Variants in COL25A1 observed in about 807,000 individuals in gnomAD.
COL25A1 encodes the protein collagen type XXV alpha 1 chain, also known as collagen alpha-1(XXV) chain.
In COL25A1, 103 loss-of-function variants were observed where a neutral mutation model predicts 128.4. That is an observed-to-expected ratio of 0.80 (90% confidence interval 0.68 to 0.94). The LOEUF (loss-of-function observed/expected upper bound fraction) is 0.94. Among genes scored for constraint, COL25A1 ranks in the 40% least tolerant of loss-of-function variants. COL25A1 has a pLI of 0.00. For synonymous variants in COL25A1, 279 were observed against 277.2 expected, an observed-to-expected ratio of 1.01 and a Z score of -0.06; for missense variants, 745 against 840.0, an observed-to-expected ratio of 0.89 and a Z score of 1.40.
intron 35 of COL25A1, among the ~76,000 whole-genome samples, chr4:108,821,148 A>G (rs1243500657): frequency 6.6e-6 from 1 of 152,232 alleles, no homozygotes; most frequent in Non-Finnish European, 1.5e-5. Context: ...TGTGCATTCA[A>G]ATCAATACAT....
At chr4:109,072,826 T>C (rs1763083333) in intron 3 of COL25A1, among the ~76,000 whole-genome samples, 1 of 152,198 alleles carries the variant, frequency 6.6e-6, no homozygotes, top group Non-Finnish European at 1.5e-5. Context: ...CTTGCCCAGA[T>C]GTGTTAAATC....
intron 5 of COL25A1, chr4:109,021,654 G>T (rs963189556): frequency 2.3e-6 from 1 of 435,878 alleles, no homozygotes; most frequent in African/African-American, 2.0e-5. Context: ...GGCAAAAAGA[G>T]CCATATTTTT....
intron 3 of COL25A1, among the ~76,000 whole-genome samples, chr4:109,153,511 T>C (rs150078692): frequency 1.3e-5 from 2 of 152,268 alleles, no homozygotes; most frequent in African/African-American, 4.8e-5. Context: ...GAGGGCTCTA[T>C]TCCTTTTCAT....
rs185950567 is a variant in COL25A1 at position 109,150,363 on chromosome 4, C to G, written c.368-100184G>C. Among the ~76,000 whole-genome samples the G allele has an allele frequency of 1.2e-4, 18 of 152,166 alleles. No homozygotes were observed. The East Asian group carries it at 2.3e-3, about 20-fold the overall frequency. On this transcript the variant is annotated intron_variant, in intron 3 of 37. Transcript: ENST00000399132. ...TGTCTAGTTAATCAGGTAATGCCTC[C>G]TAAGGGTACTTCTGAGATGAGTGAA...
At chr4:109,301,696 C>T (rs773504240) in intron 2 of COL25A1, 27 bp downstream of exon 2, 2 of 1,599,198 alleles carry the variant, frequency 1.3e-6, no homozygotes, top group Non-Finnish European at 1.7e-6. Flanking sequence ...ATGTTACCCA[C>T]GTGCAAAATA....
chr4:109,047,631 T>C (rs905084084), intron 5 of COL25A1, among the ~76,000 whole-genome samples: 1 of 151,784 alleles, frequency 6.6e-6, no homozygotes, highest in Non-Finnish European at 1.5e-5. Context: ...AATAAAAAAA[T>C]TTAAAACAAA....
chr4:109,131,140 A>C (rs1046537145), intron 3 of COL25A1, among the ~76,000 whole-genome samples: 9 of 152,026 alleles, frequency 5.9e-5, no homozygotes, highest in African/African-American at 2.2e-4. Flanking sequence ...GAAGGTAAAA[A>C]TAATTTTAAA....
intron 5 of COL25A1, among the ~76,000 whole-genome samples, chr4:109,012,876 G>A (rs183009138): frequency 2.0e-5 from 3 of 152,346 alleles, no homozygotes; most frequent in East Asian, 3.9e-4. Flanking sequence ...CATGGAAATG[G>A]AGGGCAGCTC....
chr4:109,050,883 T>G (rs1760918226), intron 3 of COL25A1, among the ~76,000 whole-genome samples: 1 of 141,784 alleles, frequency 7.1e-6, no homozygotes, highest in South Asian at 2.2e-4. Flanking sequence ...AAAAAACTTG[T>G]TTTTTTTTTT....
chr4:109,191,744 T>C (rs370533116), intron 3 of COL25A1, among the ~76,000 whole-genome samples: 114 of 152,358 alleles, frequency 7.5e-4, no homozygotes, highest in South Asian at 4.8e-3. Flanking sequence ...TCACAAATTA[T>C]TGAATCTCTA....
At chr4:109,203,260 C>A (rs946936050) in intron 3 of COL25A1, among the ~76,000 whole-genome samples, 1 of 152,012 alleles carries the variant, frequency 6.6e-6, no homozygotes, top group Non-Finnish European at 1.5e-5. Flanking sequence ...GAAGACAAGA[C>A]GAGCCATGCC....
intron 3 of COL25A1, among the ~76,000 whole-genome samples, chr4:109,292,270 T>A (rs1166997612): frequency 6.6e-6 from 1 of 152,068 alleles, no homozygotes; most frequent in Non-Finnish European, 1.5e-5. Flanking sequence ...ATTTCATTTT[T>A]AAAAAAGGTT....
chr4:108,862,127 C>T (rs1737299350), intron 22 of COL25A1, among the ~76,000 whole-genome samples: 1 of 152,064 alleles, frequency 6.6e-6, no homozygotes, highest in African/African-American at 2.4e-5. Flanking sequence ...AGGGAGTCAA[C>T]TAAAAAGCAG....
At chr4:108,838,260 G>T in intron 31 of COL25A1, 1 of 941,110 alleles carries the variant, frequency 1.1e-6, no homozygotes, top group Non-Finnish European at 1.7e-6. Context: ...CTCTGAAATA[G>T]TTGCAGATTC....
At chr4:108,985,378 G>C (rs757680268) in intron 6 of COL25A1, among the ~76,000 whole-genome samples, 1 of 152,186 alleles carries the variant, frequency 6.6e-6, no homozygotes, top group Non-Finnish European at 1.5e-5. Flanking sequence ...AAGCAAAGCT[G>C]CCTTTGCCCA....
At chr4:109,176,013 C>G (rs765100913) in intron 3 of COL25A1, among the ~76,000 whole-genome samples, 1 of 152,156 alleles carries the variant, frequency 6.6e-6, no homozygotes. Flanking sequence ...TCAAAAAGTT[C>G]TAATTGCCAT....
intron 6 of COL25A1, among the ~76,000 whole-genome samples, chr4:108,999,632 T>C (rs552679847): frequency 6.6e-6 from 1 of 152,276 alleles, no homozygotes; most frequent in Non-Finnish European, 1.5e-5. Flanking sequence ...ACCCAAAGGA[T>C]TATAAATCAT....
chr4:109,279,036 G>T (rs1723107871), intron 3 of COL25A1, among the ~76,000 whole-genome samples: 1 of 146,864 alleles, frequency 6.8e-6, no homozygotes, highest in Non-Finnish European at 1.5e-5. Context: ...CTGTCCTCAT[G>T]AACTAGTCAC....
intron 20 of COL25A1, among the ~76,000 whole-genome samples, chr4:108,868,674 G>A (rs1463033045): frequency 7.1e-6 from 1 of 141,266 alleles, no homozygotes; most frequent in African/African-American, 2.6e-5. Flanking sequence ...GGAAGGGGAA[G>A]GAAAGGGAAG....
Sources: allele counts gnomAD v4.1 joint callset (sites outside exome capture counted in the v4.1 genomes callset), GRCh38; gene constraint gnomAD v4.1.1; transcripts MANE v1.5; gene names NCBI Gene and HGNC (gene_info 2026-07-23, HGNC 2026-07-21).